MEI1: variants seen among roughly 807,000 people sequenced by gnomAD.
MEI1 encodes the protein meiotic double-stranded break formation protein 1, also known as meiosis inhibitor protein 1.
MEI1 carries 103 observed loss-of-function variants against 146.2 expected under a neutral mutation model. The ratio of observed to expected loss-of-function variants is 0.70; its 90% confidence interval spans 0.60 to 0.83. The LOEUF is 0.83. MEI1 is among the 40% of genes least tolerant of loss of function. MEI1 has a pLI of 0.00. For missense variants in MEI1, 1,529 were observed against 1,533.0 expected, an observed-to-expected ratio of 1.00 and a Z score of 0.04; for synonymous variants, 652 against 628.2, an observed-to-expected ratio of 1.04 and a Z score of -0.57.
intron 3 of MEI1, among the ~76,000 whole-genome samples, chr22:41,712,084 A>G (rs1005248066): frequency 2.1e-5 from 3 of 144,708 alleles, no homozygotes; most frequent in Non-Finnish European, 4.5e-5. Flanking sequence ...GGTGCCTGTA[A>G]TCCCAACTAC....
At chr22:41,744,897 C>T in intron 12 of MEI1, 76 bp from the exon 13 acceptor site, 1 of 842,636 alleles carries the variant, frequency 1.2e-6, no homozygotes, top group Non-Finnish European at 1.7e-6. Flanking sequence ...AAGAAGAGGT[C>T]TACAGTCATC....
intron 11 of MEI1, among the ~76,000 whole-genome samples, chr22:41,742,213 T>A (rs1212850011): frequency 6.6e-6 from 1 of 152,028 alleles, no homozygotes; most frequent in African/African-American, 2.4e-5. Flanking sequence ...GGAGCCAAGA[T>A]CACACCACTG....
At chr22:41,728,932 A>C (rs915138012) in intron 7 of MEI1, among the ~76,000 whole-genome samples, 1 of 152,038 alleles carries the variant, frequency 6.6e-6, no homozygotes. Flanking sequence ...TTGGGAGGCC[A>C]AGGCAAGTGG....
At chr22:41,765,526 C>A (rs922608313) in intron 19 of MEI1, among the ~76,000 whole-genome samples, 3 of 152,206 alleles carry the variant, frequency 2.0e-5, no homozygotes, top group Middle Eastern at 3.4e-3. Context: ...GGGCAACATA[C>A]AATCACAACT....
intron 6 of MEI1, 117 bp downstream of exon 6, chr22:41,718,391 C>A: frequency 1.1e-6 from 1 of 902,464 alleles, no homozygotes; most frequent in Non-Finnish European, 1.7e-6. Flanking sequence ...AAGGTAGAAG[C>A]CACAAGGCTT....
At chr22:41,751,913 T>C (rs2147855020) in intron 15 of MEI1, among the ~76,000 whole-genome samples, 1 of 149,308 alleles carries the variant, frequency 6.7e-6, no homozygotes, top group East Asian at 2.0e-4. Flanking sequence ...CTACTAAAAA[T>C]ACAAAAATTA....
In MEI1 at chr22:41,754,016, C is replaced by G. The variant is rs1484513381; in HGVS notation, c.1921C>G (p.Pro641Ala). The G allele has an allele frequency of 6.2e-7, 1 of 1,613,390 alleles. No individual in the cohort carries two copies. The highest frequency in any genetic ancestry group is 8.5e-7 in the Non-Finnish European group (1 of 1,179,364). ...TATGTGCCTCAACCTTCTCTCAGCT[C>G]CAGAGAAGACAGGACCACCTTCCAA... ...YYMCLNLLSA[P>A]EKTGPPSKEE... The change falls in exon 17 of 31, where the codon CCA becomes GCA. Residue 641 changes from proline to alanine, a missense_variant. By Grantham distance (27) the Pro-to-Ala change is conservative. Coordinates refer to ENST00000401548, the MANE Select transcript of MEI1 (RefSeq NM_152513.4).
rs115162738 is a variant in MEI1 at position 41,724,984 on chromosome 22, G to A, written c.864+911G>A. On this transcript the variant is annotated intron_variant, in intron 7 of 30. Coordinates refer to ENST00000401548, the MANE Select transcript of MEI1 (RefSeq NM_152513.4). Reference sequence around the variant, plus strand: ...AGGCATGGCTAATTTTTAACTTTTCGTAGAGACAGGGATCTTTCTATGTTG... The same window carrying A: ...AGGCATGGCTAATTTTTAACTTTTCATAGAGACAGGGATCTTTCTATGTTG... Among the ~76,000 whole-genome samples, 229 of 151,718 alleles carry A rather than the reference G, an allele frequency of 1.5e-3. 1 individual carries two copies. Among genetic ancestry groups the A allele is most frequent in the African/African-American group, 5.2e-3 (217 of 41,358 alleles).
intron 15 of MEI1, among the ~76,000 whole-genome samples, chr22:41,751,225 G>T (rs1382133797): frequency 5.3e-5 from 8 of 152,186 alleles, no homozygotes; most frequent in Admixed American, 5.2e-4. Flanking sequence ...GGAAAGTCAT[G>T]GGTTAAATTG....
At chr22:41,783,535 AC>A (rs1342616471) in intron 24 of MEI1, among the ~76,000 whole-genome samples, 1 of 151,904 alleles carries the variant, frequency 6.6e-6, no homozygotes, top group Admixed American at 6.6e-5. Context: ...CAGGTGATCC[AC>A]CCACCTCAGC....
intron 24 of MEI1, among the ~76,000 whole-genome samples, chr22:41,783,751 G>A (rs764370844): frequency 4.6e-5 from 7 of 152,262 alleles, no homozygotes; most frequent in Non-Finnish European, 1.0e-4. Flanking sequence ...CAGTATCCCA[G>A]CTCACTGCAG....
At chr22:41,794,325 C>T (rs1018002764) in intron 27 of MEI1, 46 bp from the exon 28 acceptor site, 5 of 1,536,382 alleles carry the variant, frequency 3.3e-6, no homozygotes, top group Non-Finnish European at 2.7e-6. Flanking sequence ...GAGCAATGTC[C>T]CAAGGCAAGG....
intron 11 of MEI1, among the ~76,000 whole-genome samples, chr22:41,741,108 A>G (rs950148735): frequency 3.9e-5 from 6 of 152,096 alleles, no homozygotes; most frequent in African/African-American, 1.4e-4. Flanking sequence ...ACAGGGTTTC[A>G]TATCATAATG....
intron 22 of MEI1, among the ~76,000 whole-genome samples, chr22:41,780,947 G>C (rs2075730516): frequency 6.6e-6 from 1 of 152,142 alleles, no homozygotes; most frequent in African/African-American, 2.4e-5. Context: ...ATGTGAGAGA[G>C]GGGATGTGGC....
chr22:41,795,943 G>T lies in MEI1; in HGVS notation c.3779+96G>T, dbSNP rs1304461115. On this transcript the variant is annotated intron_variant, in intron 30 of 30. Coordinates refer to ENST00000401548, the MANE Select transcript of MEI1 (RefSeq NM_152513.4). This position sits in a 1 kb window ranked among gnomAD's most constrained non-coding sequence, Gnocchi z 4.2. ...CAGTTTATGCGGTACCGGAGTAGCA[G>T]TGTCCTCTCTCATGAAGAGGTGGGT... 1 of 1,612,290 alleles carries T rather than the reference G, an allele frequency of 6.2e-7. No homozygotes were observed. The highest frequency in any genetic ancestry group is 8.5e-7 in the Non-Finnish European group (1 of 1,179,774).
rs544631826 is a variant in MEI1, at chr22:41,773,647, G to A, written c.2545-2455G>A. Among the ~76,000 whole-genome samples, 4 of 151,858 alleles carry A rather than the reference G, an allele frequency of 2.6e-5. No homozygotes were observed. In the South Asian group the frequency reaches 8.3e-4, roughly 32 times the overall value. On this transcript the variant is annotated intron_variant, in intron 20 of 30. Coordinates refer to ENST00000401548, the MANE Select transcript of MEI1 (RefSeq NM_152513.4). ...TCCCAGCGCTTTGGGAGGCTGAGGCGGGTGGGTCACAAGGTCAGGAGTTCG... is the reference window on the plus strand; with the variant it reads ...TCCCAGCGCTTTGGGAGGCTGAGGCAGGTGGGTCACAAGGTCAGGAGTTCG...
At chr22:41,774,924 A>G (rs2075364932) in intron 20 of MEI1, among the ~76,000 whole-genome samples, 1 of 152,070 alleles carries the variant, frequency 6.6e-6, no homozygotes, top group Non-Finnish European at 1.5e-5. Flanking sequence ...CTGCCCAGTG[A>G]TCAGCACACC....
chr22:41,711,317 C>T (rs1462031466), intron 3 of MEI1, among the ~76,000 whole-genome samples: 2 of 152,156 alleles, frequency 1.3e-5, no homozygotes, highest in African/African-American at 2.4e-5. Flanking sequence ...GGACTATAGG[C>T]GCCCGCCATT....
intron 22 of MEI1, 53 bp downstream of exon 22, chr22:41,778,865 G>T: frequency 2.3e-6 from 3 of 1,289,636 alleles, no homozygotes; most frequent in South Asian, 1.3e-5. Context: ...GACGTGCAGT[G>T]GGTGCTCACT....
Sources: allele counts gnomAD v4.1 joint callset (sites outside exome capture counted in the v4.1 genomes callset), GRCh38; gene constraint gnomAD v4.1.1; non-coding constraint Gnocchi (gnomAD v3.1); transcripts MANE v1.5; gene names NCBI Gene and HGNC (gene_info 2026-07-23, HGNC 2026-07-21).